Variants in ST18 observed in about 807,000 individuals in gnomAD.
ST18 encodes suppression of tumorigenicity 18 protein.
A neutral mutation model predicts 110.0 loss-of-function variants in ST18; 50 were observed. That is an observed-to-expected ratio of 0.45 (90% CI 0.36 to 0.58). ST18 has a LOEUF of 0.58. Among genes scored for constraint, ST18 ranks in the 20% least tolerant of loss-of-function variants. The pLI, the probability that ST18 is intolerant of heterozygous loss-of-function variation, is 0.00. For synonymous variants in ST18, 461 were observed against 452.4 expected (o/e 1.02, Z -0.24); for missense variants, 1,306 against 1,280.1 (o/e 1.02, Z -0.31).
chr8:52,219,525 T>C (rs1218430444), intron 5 of ST18, among the ~76,000 whole-genome samples: 2 of 152,226 alleles, frequency 1.3e-5, no homozygotes, highest in Non-Finnish European at 2.9e-5. Flanking sequence ...CTTATTTTAC[T>C]GTCTTTGGCT....
chr8:52,125,835 CT>C (rs2046843875), intron 23 of ST18: 1 of 516,882 alleles, frequency 1.9e-6, no homozygotes, highest in African/African-American at 1.9e-5. Flanking sequence ...GCCTGACTTT[CT>C]CTGTTGGAGA....
At chr8:52,375,119 A>G (rs1244813188) in intron 2 of ST18, among the ~76,000 whole-genome samples, 2 of 145,590 alleles carry the variant, frequency 1.4e-5, no homozygotes, top group African/African-American at 5.1e-5. Flanking sequence ...CTCTCTCTTT[A>G]TCTCTCTCTC....
At chr8:52,118,120 G>A (rs1381375838) in intron 24 of ST18, among the ~76,000 whole-genome samples, 1 of 152,092 alleles carries the variant, frequency 6.6e-6, no homozygotes, top group East Asian at 1.9e-4. Context: ...TGCCACCAGG[G>A]CAAAAACATG....
At chr8:52,394,059 C>T (rs1459637004) in intron 2 of ST18, among the ~76,000 whole-genome samples, 1 of 152,164 alleles carries the variant, frequency 6.6e-6, no homozygotes, top group Non-Finnish European at 1.5e-5. Flanking sequence ...TCTTCATACT[C>T]ACAGATCTAC....
At chr8:52,229,022 CAG>C (rs2090469563) in intron 3 of ST18, among the ~76,000 whole-genome samples, 1 of 152,104 alleles carries the variant, frequency 6.6e-6, no homozygotes, top group South Asian at 2.1e-4. Flanking sequence ...AAGTAGAAAA[CAG>C]AACTCTCTGA....
intron 2 of ST18, among the ~76,000 whole-genome samples, chr8:52,232,821 CGT>C (rs2091796750): frequency 6.6e-6 from 1 of 151,488 alleles, no homozygotes; most frequent in Admixed American, 6.6e-5. Context: ...ATGGAGGGTG[CGT>C]CTCTAAACAG....
intron 2 of ST18, among the ~76,000 whole-genome samples, chr8:52,231,416 G>A (rs1252852567): frequency 6.6e-6 from 1 of 151,876 alleles, no homozygotes; most frequent in African/African-American, 2.4e-5. Context: ...GTAAGTTCCT[G>A]ACTCTAAATC....
At chr8:52,197,833 C>A (rs1438394672) in intron 8 of ST18, among the ~76,000 whole-genome samples, 1 of 151,842 alleles carries the variant, frequency 6.6e-6, no homozygotes, top group African/African-American at 2.4e-5. Context: ...GCCTAGAGGG[C>A]AGACACGAGA....
chr8:52,234,100 T>C (rs1043662484), intron 2 of ST18, among the ~76,000 whole-genome samples: 1 of 152,198 alleles, frequency 6.6e-6, no homozygotes, highest in African/African-American at 2.4e-5. Context: ...TTTTTGGCTA[T>C]GTTAACTTTT....
At chr8:52,207,842 A>G (rs1258567065) in intron 8 of ST18, among the ~76,000 whole-genome samples, 1 of 152,222 alleles carries the variant, frequency 6.6e-6, no homozygotes, top group Non-Finnish European at 1.5e-5. Context: ...GACTGGTGTA[A>G]AAACACTTTG....
At chr8:52,158,178 G>A (rs763707539) in intron 15 of ST18, among the ~76,000 whole-genome samples, 1 of 152,076 alleles carries the variant, frequency 6.6e-6, no homozygotes, top group Non-Finnish European at 1.5e-5. Flanking sequence ...TTTGTTTTTT[G>A]GTTTTCATAA....
chr8:52,211,287 C>T (rs534717302), intron 8 of ST18, among the ~76,000 whole-genome samples: 7 of 151,868 alleles, frequency 4.6e-5, no homozygotes, highest in East Asian at 1.9e-4. Flanking sequence ...ATATCTGTGA[C>T]GAAAATGCTT....
chr8:52,141,685 C>T (rs1365820852), intron 17 of ST18, among the ~76,000 whole-genome samples: 1 of 152,082 alleles, frequency 6.6e-6, no homozygotes, highest in African/African-American at 2.4e-5. Context: ...AGGATGTGGG[C>T]CCTGCAGAAG....
At chr8:52,218,817 G>A (rs1187231049) in intron 5 of ST18, among the ~76,000 whole-genome samples, 5 of 152,018 alleles carry the variant, frequency 3.3e-5, no homozygotes, top group Non-Finnish European at 7.4e-5. Flanking sequence ...TGGTTCTGTC[G>A]CTGTGTTACA....
At chr8:52,191,953 G>T (rs1017080071) in intron 8 of ST18, among the ~76,000 whole-genome samples, 2 of 152,144 alleles carry the variant, frequency 1.3e-5, no homozygotes, top group Non-Finnish European at 2.9e-5. Flanking sequence ...AATTTTGCAT[G>T]ACAACAGGCA....
intron 15 of ST18, 81 bp from the exon 16 acceptor site, chr8:52,150,058 T>G: frequency 6.7e-7 from 1 of 1,501,002 alleles, no homozygotes; most frequent in Non-Finnish European, 8.9e-7. Context: ...AAGGGATCAT[T>G]TTAAATGTAA....
intron 2 of ST18, among the ~76,000 whole-genome samples, chr8:52,296,105 G>C (rs1179910303): frequency 6.6e-6 from 1 of 152,098 alleles, no homozygotes; most frequent in African/African-American, 2.4e-5. Flanking sequence ...GCGTCATTTT[G>C]TTTTAACATC....
intron 8 of ST18, among the ~76,000 whole-genome samples, chr8:52,197,857 A>T (rs564130469): frequency 1.3e-5 from 2 of 150,940 alleles, no homozygotes; most frequent in African/African-American, 2.5e-5. Context: ...GAAGATAGAG[A>T]CCCACAGAGG....
intron 2 of ST18, chr8:52,296,469 CA>C (rs1031451199): frequency 6.6e-6 from 1 of 152,256 alleles, no homozygotes. Context: ...CTAATGCTCC[CA>C]TCAGCAGAGA....
Sources: gnomAD v4.1 joint callset for allele counts (sites outside exome capture counted in the v4.1 genomes callset) on GRCh38, gnomAD v4.1.1 for gene constraint, MANE v1.5 for transcripts, NCBI Gene and HGNC (gene_info 2026-07-23, HGNC 2026-07-21) for gene names.